Variants in SERPINE3 observed in about 807,000 individuals in gnomAD.
SERPINE3 encodes serpin E3.
A neutral mutation model predicts 41.7 loss-of-function variants in SERPINE3; 43 were observed. That is an observed-to-expected ratio of 1.03 (90% CI 0.81 to 1.33). The LOEUF is 1.33. SERPINE3 is among the 40% of genes most tolerant of loss of function. The pLI, the probability that SERPINE3 is intolerant of heterozygous loss-of-function variation, is 0.00. For missense variants in SERPINE3, 440 were observed against 491.7 expected (o/e 0.89, Z 0.99); for synonymous variants, 200 against 192.2 (o/e 1.04, Z -0.34).
chr13:51,361,137 AT>A, intron 7 of SERPINE3, 140 bp from the exon 8 acceptor site: 2 of 538,750 alleles, frequency 3.7e-6, no homozygotes, highest in Non-Finnish European at 3.3e-6. Context: ...CAAAAACAGA[AT>A]TTTCCACTCT....
In SERPINE3 at chr13:51,340,773, G is replaced by C. The variant is rs1955281605; in HGVS notation, c.-95-11G>C. ...TTTCCCAACATAATGCTTTGCTTCTGATCTGACCAGGGCTTTGCTAAAGTC... is the reference window on the plus strand; with the variant it reads ...TTTCCCAACATAATGCTTTGCTTCTCATCTGACCAGGGCTTTGCTAAAGTC... On this transcript the variant is annotated splice_polypyrimidine_tract_variant and intron_variant, in intron 1 of 9. Coordinates refer to ENST00000681248, the MANE Select transcript of SERPINE3 (RefSeq NM_001386375.1). 2.3e-6 allele frequency: 1 copy of C among 425,998 alleles called. No individual in the cohort carries two copies. Among genetic ancestry groups the C allele is most frequent in the Admixed American group, 4.0e-5 (1 of 24,794 alleles). 26.4% of individuals were successfully genotyped at this position (425,998 alleles called of 1,614,324 possible).
In SERPINE3 at chr13:51,361,893, G is replaced by A; in HGVS notation, c.1171G>A (p.Gly391Arg). ...FIYFLREPNT[G>R]FVFSIGRVSN... ...CTATTTCCTGAGAGAACCTAACACA[G>A]GTATTACAGTATTTTTTGACAGGAT... The change falls in exon 9 of 10, where the codon GGG (glycine) becomes AGG (arginine). Residue 391 changes from glycine to arginine, a missense_variant and splice_region_variant. By Grantham distance (125) the Gly-to-Arg change is moderately radical (BLOSUM62 -2). Transcript: ENST00000681248. The A allele has an allele frequency of 1.2e-6, 2 of 1,611,492 alleles. No individual in the cohort carries two copies. The highest frequency in any genetic ancestry group is 2.2e-5 in the East Asian group (1 of 44,778).
At chr13:51,359,910 TAAATC>T (rs922454224) in intron 7 of SERPINE3, among the ~76,000 whole-genome samples, 3 of 152,078 alleles carry the variant, frequency 2.0e-5, no homozygotes, top group Non-Finnish European at 2.9e-5. Flanking sequence ...ACTGCTAAAA[TAAATC>T]AAATTCTTTG....
intron 9 of SERPINE3, chr13:51,362,254 T>C: frequency 2.6e-6 from 1 of 390,192 alleles, no homozygotes; most frequent in East Asian, 5.9e-5. Flanking sequence ...TTCTTATCAT[T>C]TTAGAGTTTT....
At position 51,348,263 on chromosome 13, in the gene SERPINE3, T is replaced by C. The variant is rs1469731238; in HGVS notation, c.751T>C (p.Tyr251His). 1.2e-6 allele frequency: 2 copies of C among 1,608,450 alleles called. No homozygotes were observed. Among genetic ancestry groups the C allele is most frequent in the African/African-American group, 1.3e-5 (1 of 74,796 alleles). Residue 251 changes from tyrosine (Y) to histidine (H), a missense_variant, in exon 6 of 10, where the codon TAC becomes CAC. Coordinates refer to ENST00000681248, the MANE Select transcript of SERPINE3 (RefSeq NM_001386375.1). Reference protein sequence around the residue: ...GHQVGVLELPYLGSAVSLFLV... With the variant: ...GHQVGVLELPHLGSAVSLFLV... ...TCAGGTGGGGGTGCTGGAGCTTCCT[T>C]ACCTGGGAAGTGCAGTGAGTCTGTT... is the stretch of plus-strand genomic sequence containing the variant.
chr13:51,362,031 G>C (rs1459733014), intron 9 of SERPINE3, 138 bp downstream of exon 9: 1 of 1,600,884 alleles, frequency 6.2e-7, no homozygotes, highest in African/African-American at 1.4e-5. Flanking sequence ...CTACCCAGTT[G>C]CTATCTTCTA....
rs545293658 is a variant in SERPINE3, at chr13:51,359,201, C to T, written c.1001-2077C>T. ...GAGTAGAAAAAGACCAGGAGAATCC[C>T]TTTGTGCTTGACTTCTAGGTTCATT... On this transcript the variant is annotated intron_variant, in intron 7 of 9. Coordinates refer to ENST00000681248, the MANE Select transcript of SERPINE3 (RefSeq NM_001386375.1). Among the ~76,000 whole-genome samples the T allele has an allele frequency of 2.3e-4, 35 of 152,120 alleles. No homozygotes were observed. In the South Asian group the frequency reaches 7.3e-3, roughly 32 times the overall value.
intron 7 of SERPINE3, among the ~76,000 whole-genome samples, chr13:51,360,397 T>C (rs942851151): frequency 3.3e-5 from 5 of 151,998 alleles, no homozygotes; most frequent in Non-Finnish European, 5.9e-5. Context: ...TGATCTCAGG[T>C]GAGTTCACAG....
intron 9 of SERPINE3, chr13:51,362,744 T>C (rs1247014213): frequency 1.3e-5 from 2 of 152,462 alleles, no homozygotes; most frequent in Non-Finnish European, 2.9e-5. Flanking sequence ...TAGTTTTACA[T>C]AAATTGTTAA....
At chr13:51,345,037 A>ATACAGTTG (rs1955331930) in intron 4 of SERPINE3, among the ~76,000 whole-genome samples, 1 of 152,268 alleles carries the variant, frequency 6.6e-6, no homozygotes, top group Non-Finnish European at 1.5e-5. Context: ...CCTGCATGTT[A>ATACAGTTG]TACAGTTGTA....
Position 51,364,276 on chromosome 13 carries a change from A to G in SERPINE3, c.1209A>G (p.Leu403=), listed in dbSNP as rs780803116. ...VFSIGRVSNP[L]D is the part of the protein sequence containing the mutation. The stretch of plus-strand genomic sequence containing the variant: ...GTATTGGGAGAGTTTCAAATCCCCT[A>G]GACTAAATGCATGTTCTCCACTTTC... Residue 403 remains leucine (L), a synonymous_variant, in exon 10 of 10, where the codon CTA becomes CTG. Coordinates refer to ENST00000681248, the MANE Select transcript of SERPINE3 (RefSeq NM_001386375.1). The G allele has an allele frequency of 3.2e-5, 47 of 1,472,904 alleles. No homozygotes were observed. The highest frequency in any genetic ancestry group is 4.0e-5 in the Non-Finnish European group (44 of 1,096,698). The allele number at this position is 1,472,904 out of a possible 1,614,324, so 91.2% of individuals were successfully genotyped here.
intron 1 of SERPINE3, among the ~76,000 whole-genome samples, chr13:51,339,956 T>C (rs764572236): frequency 9.9e-5 from 15 of 152,134 alleles, no homozygotes; most frequent in Non-Finnish European, 1.5e-4. Context: ...GAGAGCCCTA[T>C]GTACCAAGGT....
At chr13:51,350,270 T>C (rs560548269) in intron 6 of SERPINE3, among the ~76,000 whole-genome samples, 1 of 152,160 alleles carries the variant, frequency 6.6e-6, no homozygotes, top group South Asian at 2.1e-4. Context: ...CAAAGTAACC[T>C]TTTATTTATA....
chr13:51,342,151 G>A (rs1955298450), intron 3 of SERPINE3, among the ~76,000 whole-genome samples: 1 of 141,728 alleles, frequency 7.1e-6, no homozygotes, highest in South Asian at 2.2e-4. Flanking sequence ...TCCTAGACTA[G>A]GATCTAGGAA....
intron 6 of SERPINE3, among the ~76,000 whole-genome samples, chr13:51,354,776 C>G (rs1955454242): frequency 6.6e-6 from 1 of 151,982 alleles, no homozygotes; most frequent in African/African-American, 2.4e-5. Context: ...GAGGAGGTAA[C>G]AACTGAAAAA....
chr13:51,360,518 TA>T (rs1361793412), intron 7 of SERPINE3, among the ~76,000 whole-genome samples: 3 of 152,050 alleles, frequency 2.0e-5, no homozygotes, highest in African/African-American at 7.2e-5. Context: ...TGGAGCTGTT[TA>T]AAAATGGTTA....
At chr13:51,342,178 C>CAAAAAAAAAAAAA (rs869298134) in intron 3 of SERPINE3, among the ~76,000 whole-genome samples, 5 of 63,560 alleles carry the variant, frequency 7.9e-5, no homozygotes, top group Non-Finnish European at 1.3e-4. Context: ...AAAGACAGAA[C>CAAAAAAAAAAAAA]AAAAAAAAAA....
chr13:51,344,468 C>A lies in SERPINE3; in HGVS notation c.473C>A (p.Ala158Asp), dbSNP rs746357507. ...ACCGCCATCCAGACTAGCGAAGGGGCCTCCAGAGAGACTGCAGGTAAAAGA... is the reference window on the plus strand; with the variant it reads ...ACCGCCATCCAGACTAGCGAAGGGGACTCCAGAGAGACTGCAGGTAAAAGA... ...NSTAIQTSEG[A>D]SRETAGGGPS... The change falls in exon 4 of 10, where the codon GCC (alanine) becomes GAC (aspartate). Residue 158 changes from alanine to aspartate, a missense_variant. By Grantham distance (126) the Ala-to-Asp change is moderately radical. Transcript: ENST00000681248. 1 of 1,589,480 alleles carries A rather than the reference C, an allele frequency of 6.3e-7. No homozygotes were observed. Among genetic ancestry groups the A allele is most frequent in the East Asian group, 2.3e-5 (1 of 43,560 alleles).
In SERPINE3 at chr13:51,349,621, C is replaced by T. The variant is rs188725262; in HGVS notation, c.899+1210C>T. On this transcript the variant is annotated intron_variant, in intron 6 of 9. Coordinates refer to ENST00000681248, the MANE Select transcript of SERPINE3 (RefSeq NM_001386375.1). ...AGAGACAGATGGTGGGACTCATCCT[C>T]GAGCAGTTCTTCCCTGGAAGAGACC... Among the ~76,000 whole-genome samples the T allele has an allele frequency of 3.1e-3, 468 of 152,300 alleles. 1 individual carries two copies. The highest frequency in any genetic ancestry group is 5.6e-3 in the Non-Finnish European group (379 of 68,026).
Sources: gnomAD v4.1 joint callset for allele counts (sites outside exome capture counted in the v4.1 genomes callset) on GRCh38, gnomAD v4.1.1 for gene constraint, MANE v1.5 for transcripts, NCBI Gene and HGNC (gene_info 2026-07-23, HGNC 2026-07-21) for gene names.